The following ZC3H12B variants were observed in gnomAD, a reference collection of about 807,000 sequenced individuals.
ZC3H12B encodes zinc finger CCCH-type containing 12B, also known as probable ribonuclease ZC3H12B.
A neutral mutation model predicts 43.9 loss-of-function variants in ZC3H12B; 7 were observed. The observed-to-expected ratio is 0.16, with a 90% CI of 0.09 to 0.30. The LOEUF (loss-of-function observed/expected upper bound fraction) is 0.30, where lower values mean the gene tolerates loss of function less well. ZC3H12B is among the 10% of genes least tolerant of loss of function. The pLI is 1.00. For missense variants in ZC3H12B, 475 were observed against 670.2 expected (o/e 0.71, Z 3.22); for synonymous variants, 222 against 241.7 (o/e 0.92, Z 0.76).
At chrX:65,168,758 TTTAG>T in the ZC3H12B span, among the ~76,000 whole-genome samples, 1 of 111,506 alleles carries the variant, frequency 9.0e-6, no homozygotes, top group Non-Finnish European at 1.9e-5. Context: ...TTCTTCGTGG[TTTAG>T]TCTTTGGAGG....
the ZC3H12B span, among the ~76,000 whole-genome samples, chrX:65,160,215 C>A: frequency 2.7e-5 from 3 of 111,345 alleles, no homozygotes; most frequent in East Asian, 8.5e-4. Context: ...GATATTGGTC[C>A]AAAATTCTCC....
chrX:65,151,038 A>T, the ZC3H12B span, among the ~76,000 whole-genome samples: 1 of 112,302 alleles, frequency 8.9e-6, no homozygotes, highest in African/African-American at 3.2e-5. Context: ...TTTGTTATTG[A>T]ATGTTTTTTG....
intron 1 of ZC3H12B, among the ~76,000 whole-genome samples, chrX:65,491,665 C>T (rs2068204656): frequency 9.5e-6 from 1 of 105,375 alleles, no homozygotes; most frequent in African/African-American, 3.5e-5. Context: ...AGTGATCTCG[C>T]CACTGCACTC....
chrX:65,123,268 G>A, the ZC3H12B span, among the ~76,000 whole-genome samples: 1 of 111,680 alleles, frequency 9.0e-6, no homozygotes, highest in African/African-American at 3.2e-5. Flanking sequence ...GCATCCCAGG[G>A]ATGAAGCTGA....
chrX:65,097,453 C>T, the ZC3H12B span, among the ~76,000 whole-genome samples: 1 of 111,378 alleles, frequency 9.0e-6, no homozygotes, highest in East Asian at 2.8e-4. Context: ...TTGGTTTTTC[C>T]CTTTCCTCCA....
At chrX:65,178,364 A>G in the ZC3H12B span, among the ~76,000 whole-genome samples, 25,315 of 111,655 alleles carry the variant, frequency 0.23, 6,914 homozygotes, top group African/African-American at 0.78. Flanking sequence ...CAAAGACTTC[A>G]TGACGAAAAC....
At chrX:65,149,169 A>G in the ZC3H12B span, among the ~76,000 whole-genome samples, 3 of 111,257 alleles carry the variant, frequency 2.7e-5, no homozygotes, top group Non-Finnish European at 5.7e-5. Context: ...TTAAGCTTGG[A>G]GGAAAGATGC....
chrX:65,239,556 T>C, the ZC3H12B span, among the ~76,000 whole-genome samples: 4 of 111,774 alleles, frequency 3.6e-5, no homozygotes, highest in Non-Finnish European at 7.5e-5. Context: ...TGTTATTTAA[T>C]TAGGGCATTT....
the ZC3H12B span, among the ~76,000 whole-genome samples, chrX:65,232,102 A>G: frequency 4.6e-5 from 5 of 109,659 alleles, no homozygotes; most frequent in Admixed American, 3.9e-4. Flanking sequence ...TTAGCCAAGC[A>G]TGGTGGCAGG....
chrX:65,225,760 G>C, the ZC3H12B span, among the ~76,000 whole-genome samples: 2 of 112,129 alleles, frequency 1.8e-5, no homozygotes, highest in Admixed American at 1.9e-4. Context: ...TGATCAACTG[G>C]AAGAAAGGGT....
At chrX:65,097,300 G>C in the ZC3H12B span, among the ~76,000 whole-genome samples, 2 of 111,513 alleles carry the variant, frequency 1.8e-5, no homozygotes, top group Non-Finnish European at 3.8e-5. Context: ...AGGTTAATTT[G>C]GCATTACTAG....
chrX:65,058,857 G>A, the ZC3H12B span, among the ~76,000 whole-genome samples: 1 of 112,298 alleles, frequency 8.9e-6, no homozygotes, highest in African/African-American at 3.2e-5. Context: ...GGCTTCGTGG[G>A]CGTGTGACCC....
intron 3 of ZC3H12B, chrX:65,408,230 C>T: frequency 8.4e-7 from 1 of 1,183,541 alleles, no homozygotes; most frequent in South Asian, 1.8e-5. Flanking sequence ...ATGTGAGTAA[C>T]CGGCAAGTGA....
At chrX:65,059,294 G>A in the ZC3H12B span, among the ~76,000 whole-genome samples, 1 of 100,774 alleles carries the variant, frequency 9.9e-6, no homozygotes, top group Admixed American at 1.3e-4. Flanking sequence ...AAAAATCTTT[G>A]CCCAGACCAG....
the ZC3H12B span, among the ~76,000 whole-genome samples, chrX:65,146,770 G>A: frequency 3.6e-5 from 4 of 111,692 alleles, no homozygotes; most frequent in African/African-American, 6.5e-5. Context: ...CAGGCTCCAG[G>A]CTGGTATTGG....
the ZC3H12B span, among the ~76,000 whole-genome samples, chrX:65,348,624 A>G: frequency 2.7e-5 from 3 of 109,272 alleles, no homozygotes; most frequent in Admixed American, 9.8e-5. Context: ...ACCCATCGAC[A>G]TGCAAAGACA....
At chrX:65,365,974 A>G (rs1197494393), upstream of ZC3H12B, among the ~76,000 whole-genome samples, 1 of 110,828 alleles carries the variant, frequency 9.0e-6, no homozygotes, top group Non-Finnish European at 1.9e-5. Context: ...TTGAAAAACA[A>G]AAAACATAAA....
the ZC3H12B span, among the ~76,000 whole-genome samples, chrX:65,151,321 C>T: frequency 5.4e-5 from 6 of 111,755 alleles, no homozygotes; most frequent in South Asian, 7.4e-4. Flanking sequence ...CATTGTTCAA[C>T]GGAAAATATC....
intron 2 of ZC3H12B, among the ~76,000 whole-genome samples, chrX:65,398,141 G>T (rs975520620): frequency 1.8e-5 from 2 of 111,346 alleles, no homozygotes; most frequent in African/African-American, 6.5e-5. Flanking sequence ...ATATGGAAAG[G>T]TATTCTCTGT....
Sources: gnomAD v4.1 joint callset for allele counts (sites outside exome capture counted in the v4.1 genomes callset) on GRCh38, gnomAD v4.1.1 for gene constraint, MANE v1.5 for transcripts, NCBI Gene and HGNC (gene_info 2026-07-23, HGNC 2026-07-21) for gene names.